WLS: variants seen among roughly 807,000 people sequenced by gnomAD.
WLS encodes Wnt ligand secretion mediator, also known as protein wntless homolog.
A neutral mutation model predicts 62.8 loss-of-function variants in WLS; 23 were observed. The ratio of observed to expected loss-of-function variants is 0.37; its 90% CI spans 0.26 to 0.52. The LOEUF (loss-of-function observed/expected upper bound fraction) is 0.52. Ranked by LOEUF, WLS falls within the 20% of genes least tolerant of loss-of-function variation. WLS has a pLI of 0.92. For missense variants in WLS, 615 were observed against 697.3 expected, an observed-to-expected ratio of 0.88 and a Z score of 1.33; for synonymous variants, 246 against 244.1, an observed-to-expected ratio of 1.01 and a Z score of -0.07.
At chr1:68,159,015 A>C in intron 3 of WLS, 108 bp downstream of exon 3, 1 of 1,450,428 alleles carries the variant, frequency 6.9e-7, no homozygotes, top group East Asian at 2.3e-5. Context: ...GGTATTACCA[A>C]AGCTGTCCTC....
chr1:68,173,064 A>C (rs977334519), intron 2 of WLS, among the ~76,000 whole-genome samples: 8 of 152,218 alleles, frequency 5.3e-5, no homozygotes, highest in African/African-American at 1.9e-4. Flanking sequence ...CACAGTTCTC[A>C]GTGTGCTTAA....
At chr1:68,224,473 T>C (rs1213260581) in intron 1 of WLS, among the ~76,000 whole-genome samples, 1 of 152,204 alleles carries the variant, frequency 6.6e-6, no homozygotes, top group African/African-American at 2.4e-5. Context: ...ACCTACGATG[T>C]ATGCTAAATC....
chr1:68,144,909 G>A (rs199903028), intron 9 of WLS, among the ~76,000 whole-genome samples: 8 of 152,134 alleles, frequency 5.3e-5, no homozygotes, highest in East Asian at 1.9e-4. Context: ...TTCACAACAC[G>A]TCGTGAGGCT....
chr1:68,162,712 G>A lies in WLS; in HGVS notation c.380-3465C>T, dbSNP rs1307401883. ...CGGTGTCTCTTCCACGGCTGCAGAC[G>A]GGATATTGCACACAGCAATTCCGAG... On this transcript the variant is annotated intron_variant, in intron 2 of 11. Coordinates refer to ENST00000262348, the MANE Select transcript of WLS (RefSeq NM_024911.7). The A allele has an allele frequency of 3.3e-6, 4 of 1,196,012 alleles. No individual in the cohort carries two copies. In the Admixed American group the frequency reaches 5.3e-5, roughly 16 times the overall value. The allele number at this position is 1,196,012 out of a possible 1,614,324, so 74.1% of individuals were successfully genotyped here.
intron 1 of WLS, among the ~76,000 whole-genome samples, chr1:68,221,589 T>A (rs1649943413): frequency 6.6e-6 from 1 of 152,042 alleles, no homozygotes. Flanking sequence ...TAAGAACAGA[T>A]AAAATATATG....
intron 5 of WLS, among the ~76,000 whole-genome samples, chr1:68,150,732 A>T (rs1036220932): frequency 6.6e-6 from 1 of 152,190 alleles, no homozygotes; most frequent in Non-Finnish European, 1.5e-5. Context: ...AAGAACACTC[A>T]TTATTATTGT....
intron 11 of WLS, among the ~76,000 whole-genome samples, chr1:68,118,189 AAGAT>A (rs1293076852): frequency 3.3e-5 from 5 of 152,354 alleles, no homozygotes; most frequent in Admixed American, 1.3e-4. Flanking sequence ...TAACAGACAA[AAGAT>A]AAATATACTA....
intron 1 of WLS, among the ~76,000 whole-genome samples, chr1:68,198,202 T>C (rs1161751812): frequency 6.6e-6 from 1 of 152,150 alleles, no homozygotes. Flanking sequence ...ACAGAATAAT[T>C]TGGCCAAAAC....
intron 1 of WLS, among the ~76,000 whole-genome samples, chr1:68,229,557 C>T (rs1289697924): frequency 6.6e-6 from 1 of 152,188 alleles, no homozygotes; most frequent in Admixed American, 6.5e-5. Context: ...CAAACTGTTC[C>T]TTCAACTACT....
chr1:68,129,903 C>G (rs979288872), intron 11 of WLS, among the ~76,000 whole-genome samples: 1 of 152,196 alleles, frequency 6.6e-6, no homozygotes, highest in African/African-American at 2.4e-5. Flanking sequence ...CTTTAGTTTG[C>G]AGTAAATTTC....
chr1:68,141,104 A>T (rs1646679787), intron 10 of WLS, among the ~76,000 whole-genome samples: 1 of 151,942 alleles, frequency 6.6e-6, no homozygotes, highest in African/African-American at 2.4e-5. Flanking sequence ...ACCCAATTAT[A>T]CCCCTGGAGC....
At chr1:68,138,619 A>G (rs1048752685) in intron 10 of WLS, among the ~76,000 whole-genome samples, 2 of 152,172 alleles carry the variant, frequency 1.3e-5, no homozygotes, top group African/African-American at 4.8e-5. Context: ...AAATTCTGCA[A>G]GAGATGTTTT....
intron 11 of WLS, among the ~76,000 whole-genome samples, chr1:68,133,350 C>T (rs927755838): frequency 6.6e-6 from 1 of 152,160 alleles, no homozygotes; most frequent in African/African-American, 2.4e-5. Flanking sequence ...CGCCACACTC[C>T]CGCAGCACCT....
intron 3 of WLS, among the ~76,000 whole-genome samples, 186 bp from the exon 4 acceptor site, chr1:68,155,446 ACAT>A (rs1646883427): frequency 6.6e-6 from 1 of 152,220 alleles, no homozygotes; most frequent in African/African-American, 2.4e-5. Context: ...CCTAAAACAA[ACAT>A]CAACAACAAC....
intron 6 of WLS, among the ~76,000 whole-genome samples, chr1:68,149,638 C>A (rs144126809): frequency 1.5e-4 from 23 of 152,164 alleles, no homozygotes; most frequent in African/African-American, 5.5e-4. Flanking sequence ...ACCTTCAATC[C>A]CTCTTGAAAT....
At chr1:68,151,208 G>C (rs1333589639) in intron 5 of WLS, among the ~76,000 whole-genome samples, 1 of 152,194 alleles carries the variant, frequency 6.6e-6, no homozygotes, top group Non-Finnish European at 1.5e-5. Flanking sequence ...AGGGTGTTTG[G>C]AGGAGAGGGC....
intron 11 of WLS, among the ~76,000 whole-genome samples, chr1:68,114,877 T>G (rs1468540005): frequency 6.6e-6 from 1 of 152,162 alleles, no homozygotes; most frequent in African/African-American, 2.4e-5. Context: ...GCAGCCCTAA[T>G]TGGGCAGGTA....
intron 1 of WLS, among the ~76,000 whole-genome samples, chr1:68,215,738 G>A (rs1025664563): frequency 3.9e-5 from 6 of 152,128 alleles, no homozygotes; most frequent in African/African-American, 7.2e-5. Context: ...TTATCATACT[G>A]ACACTAAAAA....
At chr1:68,136,214 C>G (rs774199979) in intron 11 of WLS, among the ~76,000 whole-genome samples, 53 of 152,150 alleles carry the variant, frequency 3.5e-4, no homozygotes, top group East Asian at 5.8e-4. Flanking sequence ...TAACTACCCC[C>G]CTCCCTTCTC....
Sources: gnomAD v4.1 joint callset for allele counts (sites outside exome capture counted in the v4.1 genomes callset) on GRCh38, gnomAD v4.1.1 for gene constraint, MANE v1.5 for transcripts, NCBI Gene and HGNC (gene_info 2026-07-23, HGNC 2026-07-21) for gene names.